Variants in TP63 observed in about 807,000 individuals in gnomAD.
TP63 encodes the protein tumor protein 63.
A neutral mutation model predicts 82.8 loss-of-function variants in TP63; 17 were observed. The ratio of observed to expected loss-of-function variants is 0.21; its 90% CI spans 0.14 to 0.31. TP63 has a LOEUF of 0.31. Ranked by LOEUF, TP63 falls within the 10% of genes least tolerant of loss-of-function variation. The pLI is 1.00. For missense variants in TP63, 648 were observed against 895.3 expected, an observed-to-expected ratio of 0.72 and a Z score of 3.52; for synonymous variants, 330 against 321.7, an observed-to-expected ratio of 1.03 and a Z score of -0.28.
chr3:189,761,454 A>G (rs1243153952), intron 3 of TP63, among the ~76,000 whole-genome samples: 1 of 152,184 alleles, frequency 6.6e-6, no homozygotes, highest in Non-Finnish European at 1.5e-5. Flanking sequence ...AAATCATAAC[A>G]AGAGTCATCT....
At chr3:189,873,997 A>G (rs1472553095) in intron 10 of TP63, among the ~76,000 whole-genome samples, 1 of 152,200 alleles carries the variant, frequency 6.6e-6, no homozygotes. Context: ...ATGCAAATGA[A>G]CAATAAAAAT....
At chr3:189,680,629 C>G (rs996037953) in intron 1 of TP63, among the ~76,000 whole-genome samples, 1 of 152,184 alleles carries the variant, frequency 6.6e-6, no homozygotes, top group African/African-American at 2.4e-5. Context: ...GATTGTTCAA[C>G]ACATGCAAAT....
At chr3:189,656,240 C>CT (rs970666008) in intron 1 of TP63, among the ~76,000 whole-genome samples, 18 of 152,122 alleles carry the variant, frequency 1.2e-4, no homozygotes, top group African/African-American at 3.6e-4. Flanking sequence ...TGGGAGTTCT[C>CT]TATTATAAGA....
intron 1 of TP63, among the ~76,000 whole-genome samples, chr3:189,718,566 A>T (rs980567160): frequency 6.6e-6 from 1 of 151,080 alleles, no homozygotes; most frequent in African/African-American, 2.4e-5. Context: ...CTCCCCTGAC[A>T]TGTGAGGACA....
intron 4 of TP63, among the ~76,000 whole-genome samples, chr3:189,826,473 T>C (rs1002725552): frequency 1.3e-4 from 20 of 152,210 alleles, no homozygotes; most frequent in African/African-American, 4.8e-5. Flanking sequence ...CCAAGACACA[T>C]ACAGTTTTTA....
At position 189,887,969 on chromosome 3, in the gene TP63, G is replaced by T. The variant is rs77168425; in HGVS notation, c.1508-1371G>T. 4.6e-3 allele frequency among the ~76,000 whole-genome samples: 690 copies of T among 150,718 alleles called. 24 individuals carry two copies. The East Asian group carries it at 0.1, about 22-fold the overall frequency. ...CCTCCCAGGTTCAAGTGATTCTCCT[G>T]CCTCAGCCTCCCGAATAGCTGGGAT... On this transcript the variant is annotated intron_variant, in intron 11 of 13. Transcript: ENST00000264731.
chr3:189,878,735 T>G (rs1719558794), intron 10 of TP63, among the ~76,000 whole-genome samples: 2 of 148,032 alleles, frequency 1.4e-5, no homozygotes, highest in Admixed American at 6.7e-5. Flanking sequence ...GCCTACAGTT[T>G]ACTTTTGAAT....
In TP63 at chr3:189,868,682, G is replaced by C. The variant is rs748609799; in HGVS notation, c.1095G>C (p.Ser365=). The C allele has an allele frequency of 6.2e-7, 1 of 1,614,030 alleles. No homozygotes were observed. Among genetic ancestry groups the C allele is most frequent in the East Asian group, 2.2e-5 (1 of 44,866 alleles). The change falls in exon 8 of 14, where the codon TCG becomes TCC. Residue 365 remains serine (S), a synonymous_variant. Coordinates refer to ENST00000264731, the MANE Select transcript of TP63 (RefSeq NM_003722.5). ...ATAGCATCAGAAAGCAGCAAGTTTCGGACAGTACAAAGAACGGTGATGGTA... is the reference window on the plus strand; with the variant it reads ...ATAGCATCAGAAAGCAGCAAGTTTCCGACAGTACAAAGAACGGTGATGGTA... ...DEDSIRKQQV[S]DSTKNGDGTK...
intron 7 of TP63, 111 bp downstream of exon 7, chr3:189,868,053 C>A: frequency 1.1e-6 from 1 of 875,544 alleles, no homozygotes. Context: ...GAGAGCTTGT[C>A]CTTTGTGCTC....
intron 3 of TP63, among the ~76,000 whole-genome samples, chr3:189,762,120 C>T (rs1182815259): frequency 6.6e-6 from 1 of 152,178 alleles, no homozygotes; most frequent in Non-Finnish European, 1.5e-5. Flanking sequence ...ATATACTAGA[C>T]TTTCAGTTAA....
intron 4 of TP63, among the ~76,000 whole-genome samples, chr3:189,852,475 T>A (rs1038726773): frequency 2.0e-5 from 3 of 152,234 alleles, no homozygotes; most frequent in Non-Finnish European, 4.4e-5. Context: ...AAGCATAATA[T>A]GTATTGGTCT....
intron 6 of TP63, among the ~76,000 whole-genome samples, chr3:189,867,311 ACT>A (rs1187335104): frequency 1.3e-5 from 2 of 151,640 alleles, no homozygotes; most frequent in Non-Finnish European, 2.9e-5. Flanking sequence ...ACCTTCGGCA[ACT>A]CTCTCTCTCT....
At chr3:189,863,545 T>G (rs928317776) in intron 4 of TP63, among the ~76,000 whole-genome samples, 2 of 152,148 alleles carry the variant, frequency 1.3e-5, no homozygotes, top group South Asian at 2.1e-4. Context: ...TCCAGATCCT[T>G]TCTGTGCCAT....
intron 10 of TP63, among the ~76,000 whole-genome samples, chr3:189,879,864 T>G: frequency 6.6e-6 from 1 of 152,250 alleles, no homozygotes; most frequent in East Asian, 1.9e-4. Context: ...CTTATCCCAT[T>G]TCTTCCTCAT....
intron 1 of TP63, among the ~76,000 whole-genome samples, chr3:189,648,045 T>C (rs929477086): frequency 4.1e-5 from 6 of 147,304 alleles, no homozygotes; most frequent in African/African-American, 1.5e-4. Context: ...AGATATGTTA[T>C]TACAACTGGT....
At chr3:189,695,958 T>C (rs1717347151) in intron 1 of TP63, among the ~76,000 whole-genome samples, 1 of 152,192 alleles carries the variant, frequency 6.6e-6, no homozygotes. Flanking sequence ...TCCACTTCTT[T>C]AGTGAGGTTG....
chr3:189,776,593 C>T (rs936143706), intron 3 of TP63, among the ~76,000 whole-genome samples: 2 of 152,178 alleles, frequency 1.3e-5, no homozygotes, highest in African/African-American at 4.8e-5. Flanking sequence ...GGTTAGAGTC[C>T]TCCAAAGCTA....
In TP63 at chr3:189,816,161, T is replaced by C. The variant is rs62279947; in HGVS notation, c.579+7635T>C. 3.4e-3 allele frequency among the ~76,000 whole-genome samples: 513 copies of C among 152,328 alleles called. 2 individuals carry two copies. Among genetic ancestry groups the C allele is most frequent in the Non-Finnish European group, 5.4e-3 (367 of 68,032 alleles). On this transcript the variant is annotated intron_variant, in intron 4 of 13. Transcript: ENST00000264731. ...TCAGCTTACTAACAGATAGCTTACTTTTAATTGGCACATAGTGTGCCAGAA... is the reference window on the plus strand; with the variant it reads ...TCAGCTTACTAACAGATAGCTTACTCTTAATTGGCACATAGTGTGCCAGAA...
At chr3:189,768,326 C>T (rs1297615735) in intron 3 of TP63, among the ~76,000 whole-genome samples, 2 of 152,048 alleles carry the variant, frequency 1.3e-5, no homozygotes, top group East Asian at 3.8e-4. Flanking sequence ...TAAATAAACA[C>T]AATTTAAGGG....
Sources: allele counts gnomAD v4.1 joint callset (sites outside exome capture counted in the v4.1 genomes callset), GRCh38; gene constraint gnomAD v4.1.1; transcripts MANE v1.5; gene names NCBI Gene and HGNC (gene_info 2026-07-23, HGNC 2026-07-21).